The following SLC18A2 variants were observed in gnomAD, a reference collection of about 807,000 sequenced individuals.
SLC18A2 encodes synaptic vesicular amine transporter.
Under a neutral mutation model 59.2 loss-of-function variants are expected in SLC18A2, and 33 were observed. The observed-to-expected ratio is 0.56, with a 90% confidence interval of 0.42 to 0.75. SLC18A2 has a LOEUF of 0.75. Ranked by LOEUF, SLC18A2 falls within the 30% of genes least tolerant of loss-of-function variation. The pLI is 0.00. For missense variants in SLC18A2, 569 were observed against 668.6 expected, an observed-to-expected ratio of 0.85 and a Z score of 1.64; for synonymous variants, 228 against 253.5, an observed-to-expected ratio of 0.90 and a Z score of 0.95.
chr10:117,270,590 C>A (rs765078193), intron 15 of SLC18A2, 127 bp downstream of exon 15: 38 of 1,002,674 alleles, frequency 3.8e-5, no homozygotes, highest in Non-Finnish European at 5.2e-5. Context: ...TTAGTTTGTA[C>A]CACATAGAGC....
At chr10:117,251,619 G>A (rs1844163548) in intron 3 of SLC18A2, among the ~76,000 whole-genome samples, 1 of 152,162 alleles carries the variant, frequency 6.6e-6, no homozygotes, top group Admixed American at 6.6e-5. Flanking sequence ...GTTACTCTCT[G>A]TATTTTTGGT....
chr10:117,255,225 A>G (rs2133734104), intron 6 of SLC18A2, 52 bp from the exon 7 acceptor site: 2 of 1,502,032 alleles, frequency 1.3e-6, no homozygotes, highest in Non-Finnish European at 1.9e-6. Context: ...GTTCTAGTAC[A>G]GGGAGAGGGC....
rs766007291 is a variant in SLC18A2, at chr10:117,253,365, G to A, written c.465-34G>A. On this transcript the variant is annotated intron_variant, in intron 3 of 15. Coordinates refer to ENST00000644641, the MANE Select transcript of SLC18A2 (RefSeq NM_003054.6). ...TAAAGCCTTAAAAAAATAGCCTGCA[G>A]TCACCAGATTTGTCTGATGTTTGTG... 7.7e-6 allele frequency: 12 copies of A among 1,551,938 alleles called. No individual in the cohort carries two copies. The South Asian group carries it at 1.3e-4, about 17-fold the overall frequency.
At chr10:117,274,519 G>A (rs896275210) in intron 15 of SLC18A2, among the ~76,000 whole-genome samples, 1 of 152,088 alleles carries the variant, frequency 6.6e-6, no homozygotes, top group Non-Finnish European at 1.5e-5. Context: ...TTCTTTATAA[G>A]GTGACCTGCC....
In SLC18A2 at chr10:117,278,285, G is replaced by A. The variant is rs906999714; in HGVS notation, c.*1019G>A. 6.6e-6 allele frequency: 1 copy of A among 152,130 alleles called. No homozygotes were observed. Among genetic ancestry groups the A allele is most frequent in the African/African-American group, 2.4e-5 (1 of 41,422 alleles). The allele number at this position is 152,130 out of a possible 1,614,324, so 9.4% of individuals were successfully genotyped here. A position where few individuals can be genotyped will look rare whatever the true frequency, so the allele number is the denominator to read the frequency against. On this transcript the variant is annotated 3_prime_UTR_variant, in exon 16 of 16. Coordinates refer to ENST00000644641, the MANE Select transcript of SLC18A2 (RefSeq NM_003054.6). ...ACTATTTTTTAGACTCCTGAAAGTT[G>A]TTCACATCAATGTGAAGACAAATTT...
At chr10:117,242,039 C>T (rs547287436) in intron 2 of SLC18A2, 10 of 459,094 alleles carry the variant, frequency 2.2e-5, no homozygotes, top group South Asian at 1.9e-4. Context: ...CTGTGACATC[C>T]GATAAGACCC....
At chr10:117,253,297 C>T in intron 3 of SLC18A2, 102 bp from the exon 4 acceptor site, 1 of 825,830 alleles carries the variant, frequency 1.2e-6, no homozygotes, top group East Asian at 2.4e-5. Flanking sequence ...CCACCAAACA[C>T]TTATCTGTCT....
Position 117,255,555 on chromosome 10 carries a change from G to A in SLC18A2, c.834+33G>A, listed in dbSNP as rs199714584. On this transcript the variant is annotated intron_variant, in intron 8 of 15. Coordinates refer to ENST00000644641, the MANE Select transcript of SLC18A2 (RefSeq NM_003054.6). ...GCTGGGAATGAGGGCCCTGGGGGAG[G>A]GGGCATGGTGCTGCTTCTGACCCGT... 509 of 1,614,152 alleles carry A rather than the reference G, an allele frequency of 3.2e-4. 1 individual carries two copies. The African/African-American group carries it at 6.0e-3, about 19-fold the overall frequency.
chr10:117,250,008 G>A (rs1323589980), intron 3 of SLC18A2, among the ~76,000 whole-genome samples: 1 of 152,192 alleles, frequency 6.6e-6, no homozygotes, highest in African/African-American at 2.4e-5. Context: ...ACTAATGTCA[G>A]TTGAGTTTCT....
At chr10:117,244,901 A>G (rs1006601867) in intron 3 of SLC18A2, among the ~76,000 whole-genome samples, 2 of 152,262 alleles carry the variant, frequency 1.3e-5, no homozygotes, top group African/African-American at 4.8e-5. Context: ...GTCCACGTGC[A>G]TGAAAGGAAG....
chr10:117,255,746 G>A lies in SLC18A2; in HGVS notation c.895+89G>A, dbSNP rs984634447. ...GGGTGGATGGCCAGGGCTGATTTTCGTTTTGCTGCTAGAAATGTTGGGCTA... is the reference window on the plus strand; with the variant it reads ...GGGTGGATGGCCAGGGCTGATTTTCATTTTGCTGCTAGAAATGTTGGGCTA... On this transcript the variant is annotated intron_variant, in intron 9 of 15. Coordinates refer to ENST00000644641, the MANE Select transcript of SLC18A2 (RefSeq NM_003054.6). 7.7e-6 allele frequency: 9 copies of A among 1,171,118 alleles called. No individual in the cohort carries two copies. The Admixed American group carries it at 8.8e-5, about 11-fold the overall frequency. The allele number at this position is 1,171,118 out of a possible 1,614,324, so 72.5% of individuals were successfully genotyped here. A position where few individuals can be genotyped will look rare whatever the true frequency, so the allele number is the denominator to read the frequency against.
chr10:117,266,139 GC>G (rs1393775717), intron 10 of SLC18A2, among the ~76,000 whole-genome samples: 1 of 150,606 alleles, frequency 6.6e-6, no homozygotes, highest in Non-Finnish European at 1.5e-5. Context: ...AAATGACCAG[GC>G]AGACATTTAT....
chr10:117,265,637 C>T (rs960308381), intron 10 of SLC18A2, among the ~76,000 whole-genome samples: 3 of 152,144 alleles, frequency 2.0e-5, no homozygotes, highest in Admixed American at 6.5e-5. Flanking sequence ...CTGATGTGGA[C>T]AATTCCCCTG....
In SLC18A2 at chr10:117,241,562, G is replaced by A. The variant is rs910879711; in HGVS notation, c.-15-117G>A. ...GGTGAGCCGAGGCTGGGGCGCCCGGGGGTGTCCCCGGATGCCGGTGCGCGC... is the reference window on the plus strand; with the variant it reads ...GGTGAGCCGAGGCTGGGGCGCCCGGAGGTGTCCCCGGATGCCGGTGCGCGC... On this transcript the variant is annotated intron_variant, in intron 1 of 15. Transcript: ENST00000644641. 6.2e-5 allele frequency: 71 copies of A among 1,150,858 alleles called. No homozygotes were observed. The Middle Eastern group carries it at 9.0e-4, about 15-fold the overall frequency. 71.3% of individuals were successfully genotyped at this position (1,150,858 alleles called of 1,614,324 possible).
intron 2 of SLC18A2, chr10:117,242,048 C>A: frequency 2.4e-6 from 1 of 416,196 alleles, no homozygotes; most frequent in Non-Finnish European, 4.3e-6. Context: ...CCGATAAGAC[C>A]CAGAACTTAT....
chr10:117,277,957 A>G lies in SLC18A2; in HGVS notation c.*691A>G, dbSNP rs1277881157. ...CAGCAAACACTAAAGCCAATAAAGG[A>G]AAAACAGTAAATGTTCCGAAAGCAG... On this transcript the variant is annotated 3_prime_UTR_variant, in exon 16 of 16. Coordinates refer to ENST00000644641, the MANE Select transcript of SLC18A2 (RefSeq NM_003054.6). 1 of 152,214 alleles carries G rather than the reference A, an allele frequency of 6.6e-6. No individual in the cohort carries two copies. The highest frequency in any genetic ancestry group is 2.4e-5 in the African/African-American group (1 of 41,462). 9.4% of individuals were successfully genotyped at this position (152,214 alleles called of 1,614,324 possible).
intron 13 of SLC18A2, 45 bp from the exon 14 acceptor site, chr10:117,270,026 G>C (rs766052779): frequency 1.2e-6 from 2 of 1,605,692 alleles, no homozygotes; most frequent in Non-Finnish European, 1.7e-6. Context: ...CCCATTTTGG[G>C]TTTACATCCG....
chr10:117,249,955 G>C (rs1003269773), intron 3 of SLC18A2, among the ~76,000 whole-genome samples: 1 of 152,178 alleles, frequency 6.6e-6, no homozygotes, highest in African/African-American at 2.4e-5. Context: ...AATTGAGAAG[G>C]CCCTGAATTG....
rs1844511374 is a variant in SLC18A2, at chr10:117,277,289, A to C, written c.*23A>C. 6 of 1,421,778 alleles carry C rather than the reference A, an allele frequency of 4.2e-6. 1 individual carries two copies. In the East Asian group the frequency reaches 9.1e-5, roughly 22 times the overall value. 88.1% of individuals were successfully genotyped at this position (1,421,778 alleles called of 1,614,324 possible). On this transcript the variant is annotated 3_prime_UTR_variant, in exon 16 of 16. Transcript: ENST00000644641. ...TGAGATGAGATCCTCAAAAATCATC[A>C]AAGTGTTTAATTGTATAAAACAGTG...
Sources: gnomAD v4.1 joint callset for allele counts (sites outside exome capture counted in the v4.1 genomes callset) on GRCh38, gnomAD v4.1.1 for gene constraint, MANE v1.5 for transcripts, NCBI Gene and HGNC (gene_info 2026-07-23, HGNC 2026-07-21) for gene names.